LUC7L: variants seen among roughly 807,000 people sequenced by gnomAD.
LUC7L encodes LUC7 like, also known as putative RNA-binding protein Luc7-like 1.
LUC7L carries 29 observed loss-of-function variants against 51.1 expected under a neutral mutation model. That is an observed-to-expected ratio of 0.57 (90% CI 0.42 to 0.77). The LOEUF is 0.77. Ranked by LOEUF, LUC7L falls within the 30% of genes least tolerant of loss-of-function variation. The pLI, the probability that LUC7L is intolerant of heterozygous loss-of-function variation, is 0.00. For missense variants in LUC7L, 403 were observed against 511.9 expected, an observed-to-expected ratio of 0.79 and a Z score of 2.05; for synonymous variants, 181 against 180.7, an observed-to-expected ratio of 1.00 and a Z score of -0.01.
intron 7 of LUC7L, among the ~76,000 whole-genome samples, chr16:192,499 TTAC>T (rs2049035577): frequency 7.6e-6 from 1 of 131,828 alleles, no homozygotes; most frequent in Non-Finnish European, 1.7e-5. Flanking sequence ...AATATGCTGT[TTAC>T]TTTTTTTTTT....
At chr16:205,942 C>A in intron 5 of LUC7L, 62 bp downstream of exon 5, 1 of 1,556,928 alleles carries the variant, frequency 6.4e-7, no homozygotes, top group South Asian at 1.2e-5. Flanking sequence ...CAATTAATTC[C>A]AACGGTCAAC....
chr16:214,075 GT>G (rs200250557), intron 3 of LUC7L, among the ~76,000 whole-genome samples: 15 of 146,652 alleles, frequency 1.0e-4, no homozygotes, highest in African/African-American at 1.5e-4. Flanking sequence ...ATGAGCAATT[GT>G]TTTTTTTTTG....
intron 1 of LUC7L, 167 bp downstream of exon 1, chr16:229,112 C>A (rs986577824): frequency 3.7e-5 from 53 of 1,414,118 alleles, no homozygotes; most frequent in Non-Finnish European, 4.5e-5. Flanking sequence ...CTCAGAGACG[C>A]ACCGGCTTAG....
At chr16:207,246 G>A (rs998718259) in intron 4 of LUC7L, among the ~76,000 whole-genome samples, 1 of 151,120 alleles carries the variant, frequency 6.6e-6, no homozygotes, top group African/African-American at 2.4e-5. Flanking sequence ...TTTTGAGGCA[G>A]GGTCTCACTC....
intron 3 of LUC7L, among the ~76,000 whole-genome samples, chr16:212,337 G>A (rs2049668351): frequency 6.6e-6 from 1 of 152,132 alleles, no homozygotes; most frequent in South Asian, 2.1e-4. Flanking sequence ...TCCATTGCAT[G>A]GATGATGAAA....
At chr16:190,418 G>T in intron 8 of LUC7L, 123 bp downstream of exon 8, 2 of 1,062,236 alleles carry the variant, frequency 1.9e-6, no homozygotes, top group Non-Finnish European at 2.9e-6. Flanking sequence ...CTCTTGCCCT[G>T]TGCCCTTCAC....
intron 6 of LUC7L, among the ~76,000 whole-genome samples, chr16:193,439 C>T (rs1242467010): frequency 6.6e-6 from 1 of 151,798 alleles, no homozygotes; most frequent in Non-Finnish European, 1.5e-5. Flanking sequence ...GCCACCGCGC[C>T]CGGCCAACAC....
chr16:192,985 T>G lies in LUC7L; in HGVS notation c.718A>C (p.Asn240His), dbSNP rs1214151778. ...TCTCTCCTCCTCAAGCGATCCTGAT[T>G]TCTCTTCTCCTGCTTTTCAGCGACA... The part of the protein sequence containing the change: ...KTVAEKQEKR[N>H]QDRLRRREER... Residue 240 changes from asparagine to histidine, a missense_variant, in exon 7 of 10, where the codon AAT becomes CAT. Coordinates refer to ENST00000293872, the MANE Select transcript of LUC7L (RefSeq NM_201412.3). 6.2e-7 allele frequency: 1 copy of G among 1,613,524 alleles called. No individual in the cohort carries two copies. The highest frequency in any genetic ancestry group is 2.2e-5 in the East Asian group (1 of 44,878).
intron 7 of LUC7L, among the ~76,000 whole-genome samples, chr16:191,292 C>A (rs1407261498): frequency 6.6e-6 from 1 of 152,186 alleles, no homozygotes; most frequent in Non-Finnish European, 1.5e-5. Flanking sequence ...AAGTTCCAGG[C>A]ACAGGCTTCC....
At chr16:194,771 G>A (rs544405717) in intron 6 of LUC7L, among the ~76,000 whole-genome samples, 7 of 152,212 alleles carry the variant, frequency 4.6e-5, no homozygotes, top group Admixed American at 6.5e-5. Context: ...GAGAAACCTC[G>A]CCAATGAAAA....
intron 2 of LUC7L, among the ~76,000 whole-genome samples, chr16:227,011 C>A (rs995251993): frequency 7.9e-5 from 12 of 152,180 alleles, no homozygotes; most frequent in African/African-American, 2.7e-4. Context: ...GAGTTCAAGG[C>A]TGCAGTGAGC....
At chr16:195,661 C>T (rs1012578371) in intron 6 of LUC7L, among the ~76,000 whole-genome samples, 5 of 152,156 alleles carry the variant, frequency 3.3e-5, no homozygotes, top group African/African-American at 1.2e-4. Flanking sequence ...TGGATTCAAT[C>T]GATTCTCCTG....
At chr16:217,731 T>A (rs62032203) in intron 3 of LUC7L, among the ~76,000 whole-genome samples, 11 of 133,278 alleles carry the variant, frequency 8.3e-5, no homozygotes, top group East Asian at 4.4e-4. Flanking sequence ...ATTTTTTTTT[T>A]AAATAAATAA....
At chr16:195,675 T>G (rs1157021166) in intron 6 of LUC7L, among the ~76,000 whole-genome samples, 2 of 152,130 alleles carry the variant, frequency 1.3e-5, no homozygotes, top group East Asian at 3.9e-4. Flanking sequence ...TCTCCTGCCT[T>G]GGCCTCCTAA....
intron 5 of LUC7L, among the ~76,000 whole-genome samples, chr16:204,720 G>A (rs2049433820): frequency 6.6e-6 from 1 of 152,166 alleles, no homozygotes. Flanking sequence ...CGTCTGAAAT[G>A]GTAGCAACTG....
intron 2 of LUC7L, among the ~76,000 whole-genome samples, chr16:224,105 T>A (rs1318290167): frequency 6.6e-6 from 1 of 152,170 alleles, no homozygotes; most frequent in Non-Finnish European, 1.5e-5. Flanking sequence ...GGCTTTGTTG[T>A]TCAAAGAAAA....
At chr16:200,927 G>A (rs1193446563) in intron 5 of LUC7L, among the ~76,000 whole-genome samples, 3 of 151,900 alleles carry the variant, frequency 2.0e-5, no homozygotes, top group Non-Finnish European at 4.4e-5. Flanking sequence ...GCTAACACCT[G>A]CAATCCCAGC....
intron 3 of LUC7L, among the ~76,000 whole-genome samples, chr16:219,476 G>A (rs1026572211): frequency 6.6e-6 from 1 of 152,118 alleles, no homozygotes; most frequent in Non-Finnish European, 1.5e-5. Flanking sequence ...AGCTATTTAG[G>A]AGACTGTGGA....
At chr16:196,952 G>C (rs1192248663) in intron 6 of LUC7L, among the ~76,000 whole-genome samples, 4 of 142,876 alleles carry the variant, frequency 2.8e-5, no homozygotes, top group Non-Finnish European at 4.5e-5. Context: ...CTGTCGCCCA[G>C]GCTGGAGTGC....
Sources: allele counts gnomAD v4.1 joint callset (sites outside exome capture counted in the v4.1 genomes callset), GRCh38; gene constraint gnomAD v4.1.1; transcripts MANE v1.5; gene names NCBI Gene and HGNC (gene_info 2026-07-23, HGNC 2026-07-21).